Variants in KIAA0586 observed in about 807,000 individuals in gnomAD.
The protein encoded by KIAA0586 is KIAA0586, also known as protein TALPID3.
Under a neutral mutation model 169.8 loss-of-function variants are expected in KIAA0586, and 144 were observed. The observed-to-expected ratio is 0.85, with a 90% CI of 0.74 to 0.97. The LOEUF (loss-of-function observed/expected upper bound fraction) is 0.97, where lower values mean the gene tolerates loss of function less well. KIAA0586 is among the 50% of genes least tolerant of loss of function. KIAA0586 has a pLI of 0.00. For synonymous variants in KIAA0586, 625 were observed against 612.4 expected (o/e 1.02, Z -0.30); for missense variants, 1,854 against 1,823.0 (o/e 1.02, Z -0.31).
At chr14:58,445,851 CT>C (rs1229804329) in intron 6 of KIAA0586, among the ~76,000 whole-genome samples, 2 of 133,680 alleles carry the variant, frequency 1.5e-5, no homozygotes, top group East Asian at 2.2e-4. Context: ...TTTTAATTTC[CT>C]TTTTTTTCTA....
At chr14:58,507,878 G>A (rs937106030) in intron 27 of KIAA0586, among the ~76,000 whole-genome samples, 6 of 152,064 alleles carry the variant, frequency 3.9e-5, no homozygotes, top group South Asian at 2.1e-4. Context: ...TCCGCCTCCT[G>A]GGTTCAAGCG....
At chr14:58,482,809 T>C (rs2042128267) in intron 21 of KIAA0586, 97 bp downstream of exon 21, 14 of 887,850 alleles carry the variant, frequency 1.6e-5, no homozygotes, top group Admixed American at 3.0e-5. Flanking sequence ...GAAGTATTAT[T>C]ATCATTTTTA....
chr14:58,516,137 A>G (rs2044736912), intron 29 of KIAA0586, among the ~76,000 whole-genome samples: 1 of 152,222 alleles, frequency 6.6e-6, no homozygotes, highest in Non-Finnish European at 1.5e-5. Flanking sequence ...GTATAGAACC[A>G]TTGGTAGTCA....
chr14:58,494,999 G>C (rs1319654511), intron 26 of KIAA0586, among the ~76,000 whole-genome samples: 1 of 152,130 alleles, frequency 6.6e-6, no homozygotes, highest in East Asian at 1.9e-4. Context: ...TCGCTAGGAT[G>C]CAGCCCCTTT....
intron 7 of KIAA0586, among the ~76,000 whole-genome samples, chr14:58,449,252 T>C (rs1292177962): frequency 6.6e-6 from 1 of 152,174 alleles, no homozygotes; most frequent in African/African-American, 2.4e-5. Context: ...AACAAATGAG[T>C]GGTCCTTACA....
At chr14:58,526,895 C>T (rs1359996302) in intron 29 of KIAA0586, among the ~76,000 whole-genome samples, 6 of 152,106 alleles carry the variant, frequency 3.9e-5, no homozygotes, top group Non-Finnish European at 8.8e-5. Flanking sequence ...TTGCCTTAAT[C>T]AGAATCACAT....
chr14:58,543,216 G>A (rs1390658049), intron 30 of KIAA0586, among the ~76,000 whole-genome samples: 1 of 151,120 alleles, frequency 6.6e-6, no homozygotes, highest in Non-Finnish European at 1.5e-5. Flanking sequence ...GTTCAGAGAA[G>A]TTACGTAACT....
At position 58,473,970 on chromosome 14, in the gene KIAA0586, T is replaced by C. The variant is rs150941321; in HGVS notation, c.2635-637T>C. ...GGCTCTGCAGGCTGTACAAGAAGCA[T>C]GGTGCCAGCAACTACTTCTGGTCAG... On this transcript the variant is annotated intron_variant, in intron 18 of 30. Coordinates refer to ENST00000652326, the MANE Select transcript of KIAA0586 (RefSeq NM_001329943.3). Among the ~76,000 whole-genome samples the C allele has an allele frequency of 4.5e-3, 676 of 151,628 alleles. 1 individual carries two copies. Among genetic ancestry groups the C allele is most frequent in the African/African-American group, 0.013 (540 of 41,322 alleles).
chr14:58,505,340 AATTT>A (rs946709860), intron 27 of KIAA0586, among the ~76,000 whole-genome samples: 41 of 152,090 alleles, frequency 2.7e-4, no homozygotes, highest in African/African-American at 9.7e-4. Flanking sequence ...GATTTCCAAT[AATTT>A]ATTTAGTTGT....
At chr14:58,499,039 G>C in intron 27 of KIAA0586, 79 bp downstream of exon 27, 1 of 1,283,444 alleles carries the variant, frequency 7.8e-7, no homozygotes, top group Middle Eastern at 2.1e-4. Flanking sequence ...CCTATTTTCA[G>C]ATAGGGGCTT....
chr14:58,464,122 G>A, intron 14 of KIAA0586: 1 of 398,530 alleles, frequency 2.5e-6, no homozygotes. Context: ...TGGGCTGGAA[G>A]AACTGGAAGG....
chr14:58,439,789 A>G, intron 4 of KIAA0586: 1 of 968,994 alleles, frequency 1.0e-6, no homozygotes, highest in Non-Finnish European at 1.2e-6. Flanking sequence ...GAGTAAGTTT[A>G]AGAGTTCTGT....
intron 27 of KIAA0586, among the ~76,000 whole-genome samples, chr14:58,501,259 T>C (rs1249176449): frequency 6.6e-6 from 1 of 152,226 alleles, no homozygotes; most frequent in South Asian, 2.1e-4. Context: ...TGTGAATAAA[T>C]GTAAAGATTG....
intron 28 of KIAA0586, among the ~76,000 whole-genome samples, chr14:58,511,187 G>T (rs1036162369): frequency 1.3e-5 from 2 of 151,518 alleles, no homozygotes; most frequent in African/African-American, 4.9e-5. Context: ...CCTTTTAATT[G>T]ATGGCTTGTT....
intron 30 of KIAA0586, 122 bp downstream of exon 30, chr14:58,540,258 C>T (rs974820066): frequency 6.8e-6 from 4 of 588,226 alleles, no homozygotes; most frequent in Admixed American, 3.4e-5. Flanking sequence ...TTTAATTCTT[C>T]TGTAATATCT....
chr14:58,510,594 C>T (rs906591391), intron 28 of KIAA0586, among the ~76,000 whole-genome samples: 1 of 152,042 alleles, frequency 6.6e-6, no homozygotes, highest in African/African-American at 2.4e-5. Flanking sequence ...AAATATACAC[C>T]CACCATATGA....
chr14:58,500,975 G>A (rs1328626426), intron 27 of KIAA0586, among the ~76,000 whole-genome samples: 1 of 152,128 alleles, frequency 6.6e-6, no homozygotes, highest in Non-Finnish European at 1.5e-5. Flanking sequence ...TGACCACAAA[G>A]GTGCTGCAAG....
At chr14:58,466,121 G>A in intron 15 of KIAA0586, 92 bp downstream of exon 15, 2 of 964,446 alleles carry the variant, frequency 2.1e-6, no homozygotes. Context: ...TCACTGTGTG[G>A]CTCAGAGTGG....
At chr14:58,536,749 C>A (rs1048977889) in intron 29 of KIAA0586, among the ~76,000 whole-genome samples, 11 of 152,132 alleles carry the variant, frequency 7.2e-5, no homozygotes, top group African/African-American at 2.7e-4. Context: ...GGCTGGAATT[C>A]TATTTCCAAA....
Sources: gnomAD v4.1 joint callset for allele counts (sites outside exome capture counted in the v4.1 genomes callset) on GRCh38, gnomAD v4.1.1 for gene constraint, MANE v1.5 for transcripts, NCBI Gene and HGNC (gene_info 2026-07-23, HGNC 2026-07-21) for gene names.